The following PDE10A variants were observed in gnomAD, a reference collection of about 807,000 sequenced individuals.
PDE10A encodes phosphodiesterase 10A.
PDE10A carries 39 observed loss-of-function variants against 97.7 expected under a neutral mutation model. The observed-to-expected ratio is 0.40, with a 90% CI of 0.31 to 0.52. The LOEUF (loss-of-function observed/expected upper bound fraction) is 0.52. Ranked by LOEUF, PDE10A falls within the 20% of genes least tolerant of loss-of-function variation. The pLI, the probability that PDE10A is intolerant of heterozygous loss-of-function variation, is 0.56. For missense variants in PDE10A, 731 were observed against 1,047.8 expected, an observed-to-expected ratio of 0.70 and a Z score of 4.17; for synonymous variants, 371 against 376.8, an observed-to-expected ratio of 0.98 and a Z score of 0.18.
At chr6:165,946,158 A>G (rs1783759071) in intron 1 of PDE10A, among the ~76,000 whole-genome samples, 1 of 152,238 alleles carries the variant, frequency 6.6e-6, no homozygotes. Flanking sequence ...CAGAAGGAAT[A>G]AGCTAAAGAG....
At chr6:165,763,862 T>G (rs1260007688) in intron 1 of PDE10A, among the ~76,000 whole-genome samples, 1 of 152,252 alleles carries the variant, frequency 6.6e-6, no homozygotes, top group Non-Finnish European at 1.5e-5. Flanking sequence ...ATTGAATGCT[T>G]ACTGGGTTCC....
chr6:165,963,245 T>A (rs763078219), intron 1 of PDE10A, among the ~76,000 whole-genome samples: 1 of 152,194 alleles, frequency 6.6e-6, no homozygotes, highest in Non-Finnish European at 1.5e-5. Context: ...TAATCTCCCA[T>A]CCAGGGAAGC....
chr6:165,343,651 G>T, intron 18 of PDE10A, 149 bp from the exon 19 acceptor site: 1 of 625,732 alleles, frequency 1.6e-6, no homozygotes, highest in Non-Finnish European at 2.9e-6. Flanking sequence ...CAGTAAAATG[G>T]AATTAAAAAT....
intron 1 of PDE10A, among the ~76,000 whole-genome samples, chr6:165,659,023 G>GCCTGGGT (rs1333614157): frequency 1.3e-5 from 2 of 152,148 alleles, no homozygotes; most frequent in African/African-American, 4.8e-5. Flanking sequence ...TGTCTCTGGG[G>GCCTGGGT]CCTGGGTCCT....
At chr6:165,643,089 T>C (rs1285102355) in intron 1 of PDE10A, among the ~76,000 whole-genome samples, 1 of 152,186 alleles carries the variant, frequency 6.6e-6, no homozygotes, top group Non-Finnish European at 1.5e-5. Flanking sequence ...ATTTTATAAT[T>C]TAAATACATC....
intron 1 of PDE10A, among the ~76,000 whole-genome samples, chr6:165,620,904 C>T (rs1180818017): frequency 1.3e-5 from 2 of 151,726 alleles, no homozygotes; most frequent in Non-Finnish European, 2.9e-5. Flanking sequence ...ACCTGTAGTC[C>T]CAGCTACTAG....
intron 2 of PDE10A, among the ~76,000 whole-genome samples, chr6:165,490,868 T>A (rs1223830617): frequency 6.6e-6 from 1 of 152,116 alleles, no homozygotes; most frequent in East Asian, 1.9e-4. Context: ...GGCATAAGAA[T>A]TCCTTGAACC....
At chr6:165,520,039 C>G (rs545329986) in intron 2 of PDE10A, among the ~76,000 whole-genome samples, 63 of 152,234 alleles carry the variant, frequency 4.1e-4, no homozygotes, top group African/African-American at 1.5e-3. Flanking sequence ...GAATCCAGAC[C>G]TAAAACATAG....
At chr6:165,527,274 T>C (rs1337872967) in intron 2 of PDE10A, among the ~76,000 whole-genome samples, 1 of 152,208 alleles carries the variant, frequency 6.6e-6, no homozygotes, top group African/African-American at 2.4e-5. Flanking sequence ...GCCCATTTAT[T>C]GAGTGACCCA....
At chr6:165,565,655 A>C (rs930721742) in intron 1 of PDE10A, among the ~76,000 whole-genome samples, 12 of 152,176 alleles carry the variant, frequency 7.9e-5, no homozygotes, top group Admixed American at 6.5e-4. Flanking sequence ...AAGTTCGAGG[A>C]CTGACAATAC....
intron 18 of PDE10A, among the ~76,000 whole-genome samples, chr6:165,357,487 T>C (rs1237145303): frequency 6.6e-6 from 1 of 152,152 alleles, no homozygotes; most frequent in Non-Finnish European, 1.5e-5. Context: ...CAACCCCACA[T>C]GAAGCTGTTG....
chr6:165,973,350 T>A (rs949128680), intron 1 of PDE10A, among the ~76,000 whole-genome samples: 1 of 150,314 alleles, frequency 6.7e-6, no homozygotes, highest in African/African-American at 2.5e-5. Flanking sequence ...GAGGCGGAGG[T>A]GGCAGTGAGC....
intron 3 of PDE10A, among the ~76,000 whole-genome samples, chr6:165,474,779 T>C (rs1239300442): frequency 6.6e-6 from 1 of 152,216 alleles, no homozygotes; most frequent in Non-Finnish European, 1.5e-5. Flanking sequence ...ACATCCTAAA[T>C]TTTTAATGAC....
chr6:165,708,531 A>ACGGTT (rs150509129), intron 1 of PDE10A, among the ~76,000 whole-genome samples: 2,901 of 151,580 alleles, frequency 0.019, 112 homozygotes, highest in African/African-American at 0.066. Context: ...ATCCCCAAAC[A>ACGGTT]CGGTTCTCAG....
intron 1 of PDE10A, among the ~76,000 whole-genome samples, chr6:165,697,786 T>C (rs916881275): frequency 6.6e-6 from 1 of 152,188 alleles, no homozygotes; most frequent in Non-Finnish European, 1.5e-5. Context: ...TGGATGATGG[T>C]GATGGTTGCA....
chr6:165,575,507 T>A (rs2128349161), intron 1 of PDE10A, among the ~76,000 whole-genome samples: 1 of 152,308 alleles, frequency 6.6e-6, no homozygotes, highest in East Asian at 1.9e-4. Context: ...TTCCTTCTTT[T>A]CCTTGCTCAC....
In PDE10A at chr6:165,336,605, T is replaced by C. The variant is rs569848841; in HGVS notation, c.2977-394A>G. On this transcript the variant is annotated intron_variant, in intron 20 of 21. Coordinates refer to ENST00000539869, the MANE Select transcript of PDE10A (RefSeq NM_001385079.1). The stretch of plus-strand genomic sequence containing the variant: ...TCTACTAAAAATACAAAAAATTAGC[T>C]GGGCGCGGTGGCAGGCGCCTGTAGT... Among the ~76,000 whole-genome samples the C allele has an allele frequency of 4.4e-3, 617 of 140,610 alleles. 7 individuals are homozygous for C. Among genetic ancestry groups the C allele is most frequent in the African/African-American group, 0.016 (566 of 36,364 alleles). The allele number at this position is 140,610 out of a possible 152,430, so 92.2% of individuals were successfully genotyped here.
intron 1 of PDE10A, among the ~76,000 whole-genome samples, chr6:165,563,583 A>G (rs1784630416): frequency 6.6e-6 from 1 of 152,168 alleles, no homozygotes; most frequent in South Asian, 2.1e-4. Context: ...AAAGACATAA[A>G]CCATGGCTCA....
intron 6 of PDE10A, among the ~76,000 whole-genome samples, chr6:165,434,673 C>T (rs1467857401): frequency 2.0e-5 from 3 of 152,150 alleles, no homozygotes; most frequent in Non-Finnish European, 4.4e-5. Context: ...CTCCTGTTAC[C>T]TCACAAAAAC....
Sources: allele counts gnomAD v4.1 joint callset (sites outside exome capture counted in the v4.1 genomes callset), GRCh38; gene constraint gnomAD v4.1.1; transcripts MANE v1.5; gene names NCBI Gene and HGNC (gene_info 2026-07-23, HGNC 2026-07-21).